The following BIRC3 variants were observed in gnomAD, a reference collection of about 807,000 sequenced individuals.
The protein encoded by BIRC3 is baculoviral IAP repeat-containing protein 3.
BIRC3 carries 26 observed loss-of-function variants against 59.0 expected under a neutral mutation model. The observed-to-expected ratio is 0.44, with a 90% confidence interval of 0.32 to 0.61. BIRC3 has a LOEUF of 0.61. Among genes scored for constraint, BIRC3 ranks in the 20% least tolerant of loss-of-function variants. The pLI is 0.04. For missense variants in BIRC3, 641 were observed against 711.5 expected, an observed-to-expected ratio of 0.90 and a Z score of 1.13; for synonymous variants, 243 against 249.2, an observed-to-expected ratio of 0.98 and a Z score of 0.24.
chr11:102,321,102 A>C (rs1376913919), intron 1 of BIRC3, among the ~76,000 whole-genome samples: 1 of 152,236 alleles, frequency 6.6e-6, no homozygotes, highest in Non-Finnish European at 1.5e-5. Flanking sequence ...TTAAATTCAA[A>C]TGAGGCATGC....
chr11:102,320,770 T>C (rs1417326645), intron 1 of BIRC3, among the ~76,000 whole-genome samples: 2 of 152,218 alleles, frequency 1.3e-5, no homozygotes, highest in Admixed American at 1.3e-4. Flanking sequence ...AGAAAAACAA[T>C]AGTGCCAGTT....
chr11:102,321,279 T>TAA (rs1951028444), intron 1 of BIRC3, among the ~76,000 whole-genome samples: 1 of 152,224 alleles, frequency 6.6e-6, no homozygotes, highest in Non-Finnish European at 1.5e-5. Context: ...AATAAAAACT[T>TAA]AGTAAAGAAC....
chr11:102,332,762 G>A (rs1439725442), intron 6 of BIRC3, among the ~76,000 whole-genome samples: 1 of 152,164 alleles, frequency 6.6e-6, no homozygotes, highest in East Asian at 1.9e-4. Flanking sequence ...ATTCACCAAA[G>A]TGTGAATTAC....
In BIRC3 at chr11:102,324,565, C is replaced by G. The variant is rs1238807475; in HGVS notation, c.56C>G (p.Thr19Arg). 6.8e-6 allele frequency: 11 copies of G among 1,613,976 alleles called. No homozygotes were observed. The highest frequency in any genetic ancestry group is 1.1e-5 in the South Asian group (1 of 91,074). ...TCAAATTTGATGAAAAGCGCCAACA[C>G]GTTTGAACTGAAATACGACTTGTCA... is the stretch of plus-strand genomic sequence containing the variant. ...FLSNLMKSAN[T>R]FELKYDLSCE... The change falls in exon 2 of 9, where the codon ACG becomes AGG. Residue 19 changes from threonine to arginine, a missense_variant. Coordinates refer to ENST00000263464, the MANE Select transcript of BIRC3 (RefSeq NM_001165.5).
chr11:102,326,837 T>C (rs1951087367), intron 3 of BIRC3: 1 of 452,158 alleles, frequency 2.2e-6, no homozygotes, highest in Admixed American at 2.4e-5. Flanking sequence ...GCCTCGCTAG[T>C]AGCTGGGATT....
At chr11:102,331,549 C>T (rs1333491285) in intron 6 of BIRC3, among the ~76,000 whole-genome samples, 13 of 151,192 alleles carry the variant, frequency 8.6e-5, no homozygotes, top group Admixed American at 8.6e-4. Flanking sequence ...TTTTTCTTAA[C>T]GCTTTGAAAA....
intron 4 of BIRC3, 86 bp from the exon 5 acceptor site, chr11:102,328,811 T>G: frequency 2.1e-6 from 1 of 471,960 alleles, no homozygotes; most frequent in Non-Finnish European, 3.1e-6. Flanking sequence ...AATATGTCTG[T>G]TGGGTCATTT....
Position 102,337,697 on chromosome 11 carries a change from T to C in BIRC3, c.*595T>C, listed in dbSNP as rs1951210760. 1 of 282,070 alleles carries C rather than the reference T, an allele frequency of 3.5e-6. No homozygotes were observed. Among genetic ancestry groups the C allele is most frequent in the Non-Finnish European group, 6.6e-6 (1 of 152,338 alleles). The allele number at this position is 282,070 out of a possible 1,614,324, so 17.5% of individuals were successfully genotyped here. On this transcript the variant is annotated 3_prime_UTR_variant, in exon 9 of 9. Coordinates refer to ENST00000263464, the MANE Select transcript of BIRC3 (RefSeq NM_001165.5). ...CATGGTGTTTTTATAAAGAATTCTGTGAGAAAAAATTTAATAAAGCAACAA... is the reference window on the plus strand; with the variant it reads ...CATGGTGTTTTTATAAAGAATTCTGCGAGAAAAAATTTAATAAAGCAACAA...
rs549519383 is a variant in BIRC3 at position 102,338,974 on chromosome 11, G to A, written c.*1872G>A. On this transcript the variant is annotated 3_prime_UTR_variant, in exon 9 of 9. Coordinates refer to ENST00000263464, the MANE Select transcript of BIRC3 (RefSeq NM_001165.5). ...CCAACATCTGCTAGTGTTGTAAAGA[G>A]AACAATTAGGGACCAAGTGAGGGGA... is the stretch of plus-strand genomic sequence containing the variant. 8 of 216,584 alleles carry A rather than the reference G, an allele frequency of 3.7e-5. No individual in the cohort carries two copies. Among genetic ancestry groups the A allele is most frequent in the Non-Finnish European group, 6.5e-5 (7 of 107,538 alleles). 13.4% of individuals were successfully genotyped at this position (216,584 alleles called of 1,614,324 possible). A position where few individuals can be genotyped will look rare whatever the true frequency, so the allele number is the denominator to read the frequency against.
intron 8 of BIRC3, 42 bp downstream of exon 8, chr11:102,336,843 T>C: frequency 6.3e-7 from 1 of 1,586,474 alleles, no homozygotes; most frequent in Non-Finnish European, 8.5e-7. Context: ...AACATTGTCT[T>C]TATTTTCTTA....
rs1450469606 is a variant in BIRC3 at position 102,322,847 on chromosome 11, C to G, written c.-1663C>G. On this transcript the variant is annotated 5_prime_UTR_variant, in exon 2 of 9. Transcript: ENST00000263464. ...TTGGTCATTGCTAGTATTATCGACT[C>G]AGAACCTCTTTACTAATGGCTAGTA... 2 of 191,398 alleles carry G rather than the reference C, an allele frequency of 1.0e-5. No individual in the cohort carries two copies. Among genetic ancestry groups the G allele is most frequent in the African/African-American group, 4.8e-5 (2 of 41,898 alleles). 11.9% of individuals were successfully genotyped at this position (191,398 alleles called of 1,614,324 possible).
At chr11:102,335,720 G>T (rs1050684852) in intron 6 of BIRC3, among the ~76,000 whole-genome samples, 51 of 152,082 alleles carry the variant, frequency 3.4e-4, no homozygotes, top group African/African-American at 1.2e-3. Context: ...GGGCTCAAGT[G>T]ATCCTCCTAC....
chr11:102,325,019 T>C lies in BIRC3; in HGVS notation c.510T>C (p.Asn170=). ...ACCACTGTGCAATGAATAACGAAAA[T>C]GCCAGATTACTTACTTTTCAGACAT... is the stretch of plus-strand genomic sequence containing the variant. ...SSYHCAMNNE[N]ARLLTFQTWP... The change falls in exon 2 of 9, where the codon AAT becomes AAC. Residue 170 remains asparagine (N), a synonymous_variant. Coordinates refer to ENST00000263464, the MANE Select transcript of BIRC3 (RefSeq NM_001165.5). 6.2e-7 allele frequency: 1 copy of C among 1,614,192 alleles called. No individual in the cohort carries two copies.
chr11:102,319,494 A>G (rs1345372471), intron 1 of BIRC3, among the ~76,000 whole-genome samples: 1 of 152,238 alleles, frequency 6.6e-6, no homozygotes, highest in Non-Finnish European at 1.5e-5. Context: ...CTGAGGCAGT[A>G]GGACAGTGTA....
chr11:102,331,212 G>C lies in BIRC3; in HGVS notation c.1295G>C (p.Arg432Thr). ...NAEDEIREEE[R>T]ERATEEKESN... is the part of the protein sequence containing the mutation. The stretch of plus-strand genomic sequence containing the variant: ...GAAGATGAAATAAGGGAAGAGGAGA[G>C]AGAAAGAGCAACTGAGGAAAAAGAA... The change falls in exon 6 of 9, where the codon AGA becomes ACA. Residue 432 changes from arginine to threonine, a missense_variant. Arg to Thr is a moderately conservative substitution (Grantham distance 71). This residue lies in a region of BIRC3 where 268 missense variants were observed against 255.7 expected (regional missense o/e 1.05). Coordinates refer to ENST00000263464, the MANE Select transcript of BIRC3 (RefSeq NM_001165.5). The C allele has an allele frequency of 6.2e-7, 1 of 1,608,874 alleles. No individual in the cohort carries two copies. Among genetic ancestry groups the C allele is most frequent in the Non-Finnish European group, 8.5e-7 (1 of 1,178,484 alleles).
Position 102,339,280 on chromosome 11 carries a change from T to C in BIRC3, c.*2178T>C, listed in dbSNP as rs1565326812. 5.3e-6 allele frequency: 1 copy of C among 189,456 alleles called. No homozygotes were observed. The highest frequency in any genetic ancestry group is 1.1e-5 in the Non-Finnish European group (1 of 90,238). 11.7% of individuals were successfully genotyped at this position (189,456 alleles called of 1,614,324 possible). ...ACTTTGTCATCTCACTGTAAAACTTTTGTTCATTTCTCATTATGGTAATAA... is the reference window on the plus strand; with the variant it reads ...ACTTTGTCATCTCACTGTAAAACTTCTGTTCATTTCTCATTATGGTAATAA... On this transcript the variant is annotated 3_prime_UTR_variant, in exon 9 of 9. Transcript: ENST00000263464.
In BIRC3 at chr11:102,339,221, T is replaced by A. The variant is rs1951230840; in HGVS notation, c.*2119T>A. On this transcript the variant is annotated 3_prime_UTR_variant, in exon 9 of 9. Transcript: ENST00000263464. ...TTTTTGCACCATGTGTTTTTTTTTT[T>A]ATCTAGTTCTTGTATACTACAGATA... is the stretch of plus-strand genomic sequence containing the variant. 1 of 196,442 alleles carries A rather than the reference T, an allele frequency of 5.1e-6. No individual in the cohort carries two copies. The highest frequency in any genetic ancestry group is 6.1e-5 in the Admixed American group (1 of 16,434). 12.2% of individuals were successfully genotyped at this position (196,442 alleles called of 1,614,324 possible).
intron 5 of BIRC3, 118 bp downstream of exon 5, chr11:102,329,063 T>C: frequency 1.9e-6 from 1 of 516,764 alleles, no homozygotes; most frequent in Non-Finnish European, 3.1e-6. Context: ...ATGAATGCAT[T>C]TTCAAATATA....
chr11:102,331,259 TAC>T lies in BIRC3; in HGVS notation c.1324+20_1324+21del, dbSNP rs1210499694. Reference sequence around the variant, plus strand: ...AGAATCAAGTATGTAGATTTATTAATACAGTCTATTTTCATAAGGATTTGATA... The same window carrying T: ...AGAATCAAGTATGTAGATTTATTAATAGTCTATTTTCATAAGGATTTGATA... On this transcript the variant is annotated intron_variant, in intron 6 of 8. Coordinates refer to ENST00000263464, the MANE Select transcript of BIRC3 (RefSeq NM_001165.5). 6.3e-7 allele frequency: 1 copy of T among 1,589,738 alleles called. No individual in the cohort carries two copies.
Sources: gnomAD v4.1 joint callset for allele counts (sites outside exome capture counted in the v4.1 genomes callset) on GRCh38, gnomAD v4.1.1 for gene constraint, gnomAD v4.1.1 regional missense constraint, MANE v1.5 for transcripts, NCBI Gene and HGNC (gene_info 2026-07-23, HGNC 2026-07-21) for gene names.